SKI: variants seen among roughly 807,000 people sequenced by gnomAD.
SKI encodes ski oncogene.
In SKI, 23 loss-of-function variants were observed where a neutral mutation model predicts 59.3. The observed-to-expected ratio is 0.39, with a 90% CI of 0.28 to 0.55. The LOEUF is 0.55. Ranked by LOEUF, SKI falls within the 20% of genes least tolerant of loss-of-function variation. The pLI is 0.67. For synonymous variants in SKI, 673 were observed against 488.6 expected (o/e 1.38, Z -4.98); for missense variants, 1,017 against 1,038.9 (o/e 0.98, Z 0.29).
chr1:2,306,674 A>G lies in SKI; in HGVS notation c.2096A>G (p.Glu699Gly). 1 of 1,544,816 alleles carries G rather than the reference A, an allele frequency of 6.5e-7. No individual in the cohort carries two copies. Among genetic ancestry groups the G allele is most frequent in the African/African-American group, 1.4e-5 (1 of 72,752 alleles). The change falls in exon 7 of 7, where the codon GAG (glutamate) becomes GGG (glycine). Residue 699 changes from glutamate to glycine, a missense_variant. Transcript: ENST00000378536. The stretch of plus-strand genomic sequence containing the variant: ...GAGCGCGAGGCCCGGGAGCACCTGG[A>G]GAAGGTGGTGAAGGAGCTGCAGGAA... ...LREREAREHL[E>G]KVVKELQEQL...
chr1:2,250,851 G>T (rs537617218), intron 1 of SKI, among the ~76,000 whole-genome samples: 33 of 152,382 alleles, frequency 2.2e-4, no homozygotes, highest in African/African-American at 7.5e-4. Flanking sequence ...CTGCGCGTTG[G>T]CAGGGCCCGG....
At chr1:2,278,730 C>T (rs1174577312) in intron 1 of SKI, among the ~76,000 whole-genome samples, 2 of 151,858 alleles carry the variant, frequency 1.3e-5, no homozygotes. Context: ...GGAGTGGCCC[C>T]TTCTGCTGGA....
At chr1:2,242,114 G>A (rs1350185213) in intron 1 of SKI, among the ~76,000 whole-genome samples, 1 of 152,228 alleles carries the variant, frequency 6.6e-6, no homozygotes, top group Admixed American at 6.5e-5. Context: ...AGGAGGGCCA[G>A]CCTCCCCACC....
intron 1 of SKI, among the ~76,000 whole-genome samples, chr1:2,296,937 A>G (rs570472725): frequency 1.3e-5 from 2 of 152,268 alleles, no homozygotes; most frequent in African/African-American, 4.8e-5. Context: ...CTTTGCAGCC[A>G]GGGACATGAG....
At chr1:2,258,968 G>T (rs192604500) in intron 1 of SKI, among the ~76,000 whole-genome samples, 1 of 152,302 alleles carries the variant, frequency 6.6e-6, no homozygotes, top group Non-Finnish European at 1.5e-5. Context: ...TCATCACTTG[G>T]CCGGTTTTCT....
At chr1:2,256,285 C>T (rs1639274570) in intron 1 of SKI, among the ~76,000 whole-genome samples, 2 of 152,158 alleles carry the variant, frequency 1.3e-5, no homozygotes, top group Admixed American at 6.5e-5. Context: ...GTGTCCTTAC[C>T]TCATTTCCTG....
At chr1:2,304,250 G>C in intron 4 of SKI, 43 bp from the exon 5 acceptor site, 1 of 1,552,078 alleles carries the variant, frequency 6.4e-7, no homozygotes, top group Non-Finnish European at 8.7e-7. Flanking sequence ...TGGAGCTGCC[G>C]GGCACTTCCA....
At position 2,269,713 on chromosome 1, in the gene SKI, T is replaced by G. The variant is rs1639575390; in HGVS notation, c.970-33265T>G. On this transcript the variant is annotated intron_variant, in intron 1 of 6. Transcript: ENST00000378536. The surrounding 1 kb of genome is among the most constrained non-coding windows in gnomAD (Gnocchi z 4.7). ...GCACCAGGGACAGTGGGGACGTGGC[T>G]GTGCACCGGGCCCAGGGCTGGCAGG... Among the ~76,000 whole-genome samples the G allele has an allele frequency of 6.6e-6, 1 of 152,240 alleles. No individual in the cohort carries two copies. The highest frequency in any genetic ancestry group is 6.5e-5 in the Admixed American group (1 of 15,290).
intron 1 of SKI, among the ~76,000 whole-genome samples, chr1:2,261,830 G>GT (rs1291249070): frequency 1.4e-5 from 2 of 147,726 alleles, no homozygotes; most frequent in Non-Finnish European, 3.0e-5. Flanking sequence ...TCTGGAAGGC[G>GT]TGGAATCAGA....
chr1:2,259,117 A>G (rs889267355), intron 1 of SKI, among the ~76,000 whole-genome samples: 4 of 152,198 alleles, frequency 2.6e-5, no homozygotes, highest in African/African-American at 9.7e-5. Context: ...AAGTTCCCAG[A>G]TGACATGGTG....
intron 1 of SKI, among the ~76,000 whole-genome samples, chr1:2,289,941 G>A (rs1274530004): frequency 2.0e-5 from 3 of 152,114 alleles, no homozygotes; most frequent in Non-Finnish European, 4.4e-5. Flanking sequence ...TGCAGGAGGC[G>A]CCTCCAGGCC....
At chr1:2,285,354 A>G (rs1406630122) in intron 1 of SKI, among the ~76,000 whole-genome samples, 2 of 151,944 alleles carry the variant, frequency 1.3e-5, no homozygotes, top group Non-Finnish European at 2.9e-5. Context: ...CTCTACTGAA[A>G]ATACAAAAAA....
intron 1 of SKI, among the ~76,000 whole-genome samples, chr1:2,260,946 G>A (rs989606556): frequency 6.6e-5 from 10 of 152,158 alleles, no homozygotes; most frequent in Non-Finnish European, 1.5e-4. Flanking sequence ...GTAGCTTTAA[G>A]TTGTATATTT....
At chr1:2,304,258 C>A (rs1640508235) in intron 4 of SKI, 35 bp from the exon 5 acceptor site, 3 of 1,551,752 alleles carry the variant, frequency 1.9e-6, no homozygotes, top group Admixed American at 2.0e-5. Context: ...CCGGGCACTT[C>A]CATGACTTTG....
intron 1 of SKI, among the ~76,000 whole-genome samples, chr1:2,297,047 G>A (rs183350894): frequency 0.011 from 1,706 of 152,104 alleles, 20 homozygotes; most frequent in African/African-American, 0.024. Context: ...ACCCGCACAG[G>A]CTCTTGGTGT....
intron 1 of SKI, among the ~76,000 whole-genome samples, chr1:2,293,318 C>A (rs558251451): frequency 1.8e-3 from 270 of 152,224 alleles, no homozygotes; most frequent in Middle Eastern, 3.4e-3. Context: ...CCTGTGTGCT[C>A]AGGGAGCAGT....
rs147722589 is a variant in SKI at position 2,242,001 on chromosome 1, T to C, written c.969+12266T>C. On this transcript the variant is annotated intron_variant, in intron 1 of 6. Coordinates refer to ENST00000378536, the MANE Select transcript of SKI (RefSeq NM_003036.4). ...TGTGTGCCTGTGTGTACGTGTGTGGTGCTGTGATGGGCTGTGGGGACAGTC... is the reference window on the plus strand; with the variant it reads ...TGTGTGCCTGTGTGTACGTGTGTGGCGCTGTGATGGGCTGTGGGGACAGTC... Among the ~76,000 whole-genome samples the C allele has an allele frequency of 5.9e-3, 891 of 152,128 alleles. 4 individuals are homozygous for C. Among genetic ancestry groups the C allele is most frequent in the Non-Finnish European group, 9.8e-3 (668 of 67,984 alleles).
intron 1 of SKI, among the ~76,000 whole-genome samples, chr1:2,238,534 C>T (rs773624516): frequency 2.6e-5 from 4 of 152,240 alleles, no homozygotes; most frequent in Non-Finnish European, 5.9e-5. Flanking sequence ...CTTCCCTCTG[C>T]AGAGGTGGCA....
chr1:2,301,134 C>T (rs926165317), intron 1 of SKI, among the ~76,000 whole-genome samples: 10 of 152,240 alleles, frequency 6.6e-5, no homozygotes, highest in African/African-American at 1.9e-4. Flanking sequence ...CCCAGCCGGG[C>T]GTCCTCGGCC....
Sources: gnomAD v4.1 joint callset for allele counts (sites outside exome capture counted in the v4.1 genomes callset) on GRCh38, gnomAD v4.1.1 for gene constraint, Gnocchi (gnomAD v3.1) non-coding constraint, MANE v1.5 for transcripts, NCBI Gene and HGNC (gene_info 2026-07-23, HGNC 2026-07-21) for gene names.